ZNF91: variants seen among roughly 807,000 people sequenced by gnomAD.
ZNF91 encodes the protein zinc finger protein 91 (HPF7, HTF10).
ZNF91 carries 7 observed loss-of-function variants against 12.6 expected under a neutral mutation model. The observed-to-expected ratio is 0.55, with a 90% CI of 0.31 to 1.04. The LOEUF is 1.04. Among genes scored for constraint, ZNF91 ranks in the 50% least tolerant of loss-of-function variants. The probability of loss-of-function intolerance (pLI) is 0.05; values close to 1 mark genes in which losing one functional copy is unlikely to be tolerated. For missense variants in ZNF91, 1,217 were observed against 1,385.4 expected (o/e 0.88, Z 1.93); for synonymous variants, 453 against 462.6 (o/e 0.98, Z 0.27).
At chr19:23,378,591 A>T (rs1008373792) in intron 1 of ZNF91, among the ~76,000 whole-genome samples, 2 of 152,194 alleles carry the variant, frequency 1.3e-5, no homozygotes, top group African/African-American at 4.8e-5. Flanking sequence ...TTCTAGAATA[A>T]TTTTTTAGAT....
At chr19:23,346,258 C>T (rs956543303) in intron 3 of ZNF91, among the ~76,000 whole-genome samples, 2 of 152,126 alleles carry the variant, frequency 1.3e-5, no homozygotes, top group African/African-American at 4.8e-5. Context: ...CTGCCACCCT[C>T]TCCCCAGAAG....
Position 23,395,396 on chromosome 19 carries a change from A to T in ZNF91, c.-42T>A. 1 of 1,611,554 alleles carries T rather than the reference A, an allele frequency of 6.2e-7. No individual in the cohort carries two copies. Among genetic ancestry groups the T allele is most frequent in the Non-Finnish European group, 8.5e-7 (1 of 1,178,578 alleles). ...CAATACCTGCAGGTCACAGGGCCAC[A>T]CAGGCTGGGCCTCCTGGAGCAGAGG... is the stretch of plus-strand genomic sequence containing the variant. On this transcript the variant is annotated 5_prime_UTR_variant, in exon 1 of 4. Transcript: ENST00000300619.
chr19:23,392,267 G>A (rs903340444), intron 1 of ZNF91, among the ~76,000 whole-genome samples: 1 of 151,204 alleles, frequency 6.6e-6, no homozygotes, highest in African/African-American at 2.4e-5. Context: ...GTTGTGGCAA[G>A]CGCCTGTAAT....
chr19:23,372,004 A>G (rs1412254241), intron 3 of ZNF91, among the ~76,000 whole-genome samples: 1 of 150,162 alleles, frequency 6.7e-6, no homozygotes, highest in Non-Finnish European at 1.5e-5. Context: ...TATAAAACAA[A>G]TATTTGAGGA....
At chr19:23,365,297 C>CAA (rs59288286) in intron 3 of ZNF91, among the ~76,000 whole-genome samples, 21 of 136,082 alleles carry the variant, frequency 1.5e-4, no homozygotes, top group Non-Finnish European at 2.8e-4. Context: ...CACAGTTCTA[C>CAA]AAAAAAAAAA....
Position 23,359,639 on chromosome 19 carries a change from C to T in ZNF91, c.3340G>A (p.Ala1114Thr). The T allele has an allele frequency of 6.2e-7, 1 of 1,613,908 alleles. No individual in the cohort carries two copies. Among genetic ancestry groups the T allele is most frequent in the Non-Finnish European group, 8.5e-7 (1 of 1,179,964 alleles). The change falls in exon 4 of 4, where the codon GCC (alanine) becomes ACC (threonine). Residue 1114 changes from alanine (A) to threonine (T), a missense_variant. Coordinates refer to ENST00000300619, the MANE Select transcript of ZNF91 (RefSeq NM_003430.4). ...KPYKCGECGK[A>T]FKESSALTKH... ...GTAAGAGCTGAGGACTCTTTAAAGG[C>T]TTTGCCACATTCTCCACATTTGTAG...
upstream of ZNF91, among the ~76,000 whole-genome samples, chr19:23,312,350 ACTAT>A (rs1160552003): frequency 1.3e-5 from 2 of 152,198 alleles, no homozygotes; most frequent in African/African-American, 4.8e-5. Flanking sequence ...TATGAAAGAT[ACTAT>A]CTCTCTTAGC....
chr19:23,366,886 C>T (rs748069805), intron 3 of ZNF91, among the ~76,000 whole-genome samples: 2 of 152,150 alleles, frequency 1.3e-5, no homozygotes, highest in Non-Finnish European at 1.5e-5. Context: ...TATTATAGAC[C>T]AACTAGGTTT....
At chr19:23,349,671 C>T (rs1968314947) in intron 3 of ZNF91, among the ~76,000 whole-genome samples, 1 of 152,128 alleles carries the variant, frequency 6.6e-6, no homozygotes, top group Admixed American at 6.5e-5. Flanking sequence ...TGGACAGGCC[C>T]CTACACTGTG....
chr19:23,361,328 A>G lies in ZNF91; in HGVS notation c.1651T>C (p.Cys551Arg), dbSNP rs1162020456. The change falls in exon 4 of 4, where the codon TGT (cysteine) becomes CGT (arginine). Residue 551 changes from cysteine (C) to arginine (R), a missense_variant. Around this residue, in one of 2 missense-constraint regions of ZNF91, gnomAD observed 726 missense variants for 895.5 expected, o/e 0.81. Transcript: ENST00000300619. ...GAGAATTGCTTAAAAGCTTTGCCAC[A>G]TTCTTTACATTTGTAGGGTTTCTCT... is the stretch of plus-strand genomic sequence containing the variant. ...SREKPYKCKE[C>R]GKAFKQFSTL... The G allele has an allele frequency of 6.2e-7, 1 of 1,613,538 alleles. No homozygotes were observed. Among genetic ancestry groups the G allele is most frequent in the Admixed American group, 1.7e-5 (1 of 59,968 alleles).
intron 3 of ZNF91, among the ~76,000 whole-genome samples, chr19:23,352,464 T>G (rs1384297764): frequency 6.6e-6 from 1 of 152,068 alleles, no homozygotes. Context: ...AACCTGGTAG[T>G]GGTAGACAAA....
At chr19:23,323,644 TCTCCTCTCCTCCTCCTTTCCTCTTCTCTC>T (rs1568368227) in intron 1 of ZNF91, among the ~76,000 whole-genome samples, 1 of 129,106 alleles carries the variant, frequency 7.7e-6, no homozygotes, top group Admixed American at 7.2e-5. Flanking sequence ...CTCCTTCTCT[TCTCCTCTCCTCCTCCTTTCCTCTTCTCTC>T]CTCCTCCTCT....
At chr19:23,365,611 G>C (rs746232000) in intron 3 of ZNF91, among the ~76,000 whole-genome samples, 5 of 149,306 alleles carry the variant, frequency 3.3e-5, no homozygotes, top group Non-Finnish European at 4.4e-5. Flanking sequence ...GGTGTTTCTC[G>C]CAGAGAGGGA....
Position 23,359,500 on chromosome 19 carries a change from G to A in ZNF91, c.3479C>T (p.Pro1160Leu), listed in dbSNP as rs752634914. The stretch of plus-strand genomic sequence containing the variant: ...GGCCTCCCAAAGTAGTGGGATTACA[G>A]GTGTGATAGTATGAATTTTCTTATG... ...TNHKKIHTIT[P>L]VIPLLWEAEA... Residue 1160 changes from proline (P) to leucine (L), a missense_variant, in exon 4 of 4, where the codon CCT becomes CTT. Physicochemically the swap from Pro to Leu is moderately conservative, Grantham distance 98. Coordinates refer to ENST00000300619, the MANE Select transcript of ZNF91 (RefSeq NM_003430.4). 1.9e-6 allele frequency: 3 copies of A among 1,613,370 alleles called. No homozygotes were observed. Among genetic ancestry groups the A allele is most frequent in the Non-Finnish European group, 2.5e-6 (3 of 1,179,488 alleles).
intron 3 of ZNF91, among the ~76,000 whole-genome samples, chr19:23,370,091 TATA>T (rs1969213375): frequency 2.6e-5 from 4 of 151,994 alleles, no homozygotes; most frequent in Admixed American, 2.0e-4. Context: ...CCCATTATTT[TATA>T]ATGTTATAAA....
At chr19:23,326,322 G>C (rs1369158418) in intron 1 of ZNF91, 1 of 152,064 alleles carries the variant, frequency 6.6e-6, no homozygotes, top group Non-Finnish European at 1.5e-5. Context: ...ACTACATGTT[G>C]ATTTATTTAT....
At chr19:23,339,912 C>G (rs1257477944) in intron 3 of ZNF91, 1 of 148,090 alleles carries the variant, frequency 6.8e-6, no homozygotes, top group Non-Finnish European at 1.5e-5. Context: ...CCACTACACT[C>G]CAGCCTGGGT....
At chr19:23,333,182 G>A (rs999165685) in intron 1 of ZNF91, among the ~76,000 whole-genome samples, 4 of 152,182 alleles carry the variant, frequency 2.6e-5, no homozygotes, top group African/African-American at 9.6e-5. Flanking sequence ...TCCTTTTGAA[G>A]AGATTTCAAA....
In ZNF91 at chr19:23,359,793, G is replaced by C. The variant is rs1165241122; in HGVS notation, c.3186C>G (p.Ser1062=). 1 of 1,612,906 alleles carries C rather than the reference G, an allele frequency of 6.2e-7. No individual in the cohort carries two copies. The highest frequency in any genetic ancestry group is 1.7e-5 in the Admixed American group (1 of 59,894). Residue 1062 remains serine, a synonymous_variant, in exon 4 of 4, where the codon TCC becomes TCG. Transcript: ENST00000300619. ...TTCTCTTATGTCCATTTAGGGTTGA[G>C]GATGATATAAATGCTTTGCCACATT... ...CEECGKAFIS[S]STLNGHKRIH... is the part of the protein sequence containing the mutation.
Sources: gnomAD v4.1 joint callset for allele counts (sites outside exome capture counted in the v4.1 genomes callset) on GRCh38, gnomAD v4.1.1 for gene constraint, gnomAD v4.1.1 regional missense constraint, MANE v1.5 for transcripts, NCBI Gene and HGNC (gene_info 2026-07-23, HGNC 2026-07-21) for gene names.